Variants in NCKAP5 observed in about 807,000 individuals in gnomAD.
NCKAP5 encodes the protein nck-associated protein 5.
NCKAP5 carries 92 observed loss-of-function variants against 167.0 expected under a neutral mutation model. The ratio of observed to expected loss-of-function variants is 0.55; its 90% confidence interval spans 0.47 to 0.66. The LOEUF is 0.66. NCKAP5 is among the 30% of genes least tolerant of loss of function. The pLI, the probability that NCKAP5 is intolerant of heterozygous loss-of-function variation, is 0.00. For synonymous variants in NCKAP5, 891 were observed against 877.4 expected (o/e 1.02, Z -0.27); for missense variants, 2,378 against 2,315.0 (o/e 1.03, Z -0.56).
At chr2:132,776,347 C>T (rs986744320) in intron 15 of NCKAP5, among the ~76,000 whole-genome samples, 2 of 152,100 alleles carry the variant, frequency 1.3e-5, no homozygotes, top group African/African-American at 4.8e-5. Context: ...CACCTCCTTT[C>T]TCTAATTATC....
At chr2:132,697,855 T>C (rs150029336) in intron 19 of NCKAP5, among the ~76,000 whole-genome samples, 1 of 152,330 alleles carries the variant, frequency 6.6e-6, no homozygotes, top group Non-Finnish European at 1.5e-5. Flanking sequence ...AAAACGTTTT[T>C]CTTCCCATCA....
chr2:133,087,635 T>C (rs1388331647), intron 6 of NCKAP5, among the ~76,000 whole-genome samples: 2 of 152,204 alleles, frequency 1.3e-5, no homozygotes, highest in African/African-American at 2.4e-5. Flanking sequence ...ATTTTGACAG[T>C]GGGGCTTGAT....
chr2:133,498,464 AAGGAAGGAAGGAAGGAAGGCAGGCAGGC>A (rs1443967974), intron 3 of NCKAP5, among the ~76,000 whole-genome samples: 3 of 139,132 alleles, frequency 2.2e-5, no homozygotes, highest in Admixed American at 7.0e-5. Context: ...GGAAGGAAGG[AAGGAAGGAAGGAAGGAAGGCAGGCAGGC>A]AGGCAGGCAG....
At chr2:132,775,445 A>G (rs1343415697) in intron 15 of NCKAP5, among the ~76,000 whole-genome samples, 3 of 152,254 alleles carry the variant, frequency 2.0e-5, no homozygotes, top group Admixed American at 1.3e-4. Context: ...TTAAGCGTTC[A>G]GTATCAAGAG....
chr2:132,689,183 C>T (rs1665602114), intron 19 of NCKAP5, among the ~76,000 whole-genome samples: 1 of 152,002 alleles, frequency 6.6e-6, no homozygotes, highest in Non-Finnish European at 1.5e-5. Flanking sequence ...CAACCATTCA[C>T]TCTAGATTAA....
intron 19 of NCKAP5, among the ~76,000 whole-genome samples, chr2:132,714,049 C>T (rs969609515): frequency 6.6e-6 from 1 of 152,170 alleles, no homozygotes; most frequent in Non-Finnish European, 1.5e-5. Flanking sequence ...AACAATGATG[C>T]TGAGTGATAG....
chr2:133,025,533 T>G (rs1055982679), intron 6 of NCKAP5, among the ~76,000 whole-genome samples: 6 of 152,162 alleles, frequency 3.9e-5, no homozygotes, highest in African/African-American at 1.4e-4. Flanking sequence ...CAAAAGTTAC[T>G]GTTGGGTGCT....
chr2:133,558,730 C>T (rs1687944374), intron 2 of NCKAP5, among the ~76,000 whole-genome samples: 1 of 40,240 alleles, frequency 2.5e-5, no homozygotes, highest in Non-Finnish European at 5.3e-5. Context: ...AAAAAAAGCC[C>T]ATATGGCAGG....
At chr2:133,403,830 A>G (rs538059957) in intron 3 of NCKAP5, among the ~76,000 whole-genome samples, 2 of 152,188 alleles carry the variant, frequency 1.3e-5, no homozygotes, top group South Asian at 2.1e-4. Context: ...CATGAAACAC[A>G]TTTTACTGAT....
At chr2:133,209,564 C>T (rs2086113448) in intron 5 of NCKAP5, among the ~76,000 whole-genome samples, 1 of 151,764 alleles carries the variant, frequency 6.6e-6, no homozygotes, top group Middle Eastern at 3.4e-3. Flanking sequence ...TTCAAGCTCG[C>T]ATTACTTCTA....
intron 6 of NCKAP5, among the ~76,000 whole-genome samples, chr2:133,037,715 T>A (rs751464140): frequency 6.6e-6 from 1 of 152,096 alleles, no homozygotes; most frequent in Non-Finnish European, 1.5e-5. Flanking sequence ...GGGGAAAATC[T>A]CCAGGACATT....
At chr2:133,177,003 A>T (rs2084491113) in intron 5 of NCKAP5, among the ~76,000 whole-genome samples, 1 of 152,136 alleles carries the variant, frequency 6.6e-6, no homozygotes, top group Non-Finnish European at 1.5e-5. Flanking sequence ...AATAAAGTTA[A>T]GAAATCAGTG....
At chr2:132,765,061 C>G (rs1157985856) in intron 16 of NCKAP5, among the ~76,000 whole-genome samples, 1 of 152,132 alleles carries the variant, frequency 6.6e-6, no homozygotes, top group Non-Finnish European at 1.5e-5. Flanking sequence ...GCATTGTATT[C>G]CACAAAATAT....
chr2:133,006,813 T>C (rs1355158259), intron 6 of NCKAP5, among the ~76,000 whole-genome samples: 1 of 152,006 alleles, frequency 6.6e-6, no homozygotes, highest in African/African-American at 2.4e-5. Flanking sequence ...AAAATTATAG[T>C]GTTATATTTT....
At chr2:133,475,028 C>T (rs949341243) in intron 3 of NCKAP5, among the ~76,000 whole-genome samples, 3 of 152,158 alleles carry the variant, frequency 2.0e-5, no homozygotes, top group Admixed American at 6.5e-5. Context: ...CCAGGCTGGT[C>T]TCAAACTCCT....
the NCKAP5 span, among the ~76,000 whole-genome samples, chr2:133,621,771 C>G: frequency 1.0e-3 from 158 of 152,200 alleles, no homozygotes; most frequent in East Asian, 0.027. Flanking sequence ...AGAATCCTCC[C>G]TAAATCATTC....
rs140408265 is a variant in NCKAP5, at chr2:133,217,799, T to C, written c.144-4020A>G. On this transcript the variant is annotated intron_variant, in intron 4 of 19. Coordinates refer to ENST00000409261, the MANE Select transcript of NCKAP5 (RefSeq NM_207363.3). ...AGAATTTTAAATAATATTACCATCT[T>C]GCATTTACATAGTACATAACGCAGG... Among the ~76,000 whole-genome samples, 391 of 152,278 alleles carry C rather than the reference T, an allele frequency of 2.6e-3. 4 individuals are homozygous for C. Among genetic ancestry groups the C allele is most frequent in the African/African-American group, 8.8e-3 (364 of 41,572 alleles).
intron 6 of NCKAP5, among the ~76,000 whole-genome samples, chr2:133,102,549 T>C (rs928437072): frequency 1.3e-5 from 2 of 152,224 alleles, no homozygotes; most frequent in Non-Finnish European, 2.9e-5. Flanking sequence ...ATTAGCTTCC[T>C]GAAAATATTT....
At chr2:132,875,139 T>C (rs1438774751) in intron 9 of NCKAP5, among the ~76,000 whole-genome samples, 1 of 152,118 alleles carries the variant, frequency 6.6e-6, no homozygotes, top group Non-Finnish European at 1.5e-5. Context: ...TATAATCTCC[T>C]GTGGTGCTTT....
Sources: gnomAD v4.1 joint callset for allele counts (sites outside exome capture counted in the v4.1 genomes callset) on GRCh38, gnomAD v4.1.1 for gene constraint, MANE v1.5 for transcripts, NCBI Gene and HGNC (gene_info 2026-07-23, HGNC 2026-07-21) for gene names.